The following HDAC1 variants were observed in gnomAD, a reference collection of about 807,000 sequenced individuals.
HDAC1 encodes histone deacetylase 1.
Under a neutral mutation model 65.5 loss-of-function variants are expected in HDAC1, and 18 were observed. The ratio of observed to expected loss-of-function variants is 0.27; its 90% CI spans 0.19 to 0.41. HDAC1 has a LOEUF of 0.41. HDAC1 is among the 10% of genes least tolerant of loss of function. The probability of loss-of-function intolerance (pLI) is 1.00; values close to 1 mark genes in which losing one functional copy is unlikely to be tolerated. For synonymous variants in HDAC1, 211 were observed against 227.9 expected (o/e 0.93, Z 0.67); for missense variants, 373 against 625.2 (o/e 0.60, Z 4.30).
intron 2 of HDAC1, among the ~76,000 whole-genome samples, chr1:32,310,916 GAAGGAAGGAAGA>G (rs534163393): frequency 2.2e-3 from 333 of 148,002 alleles, no homozygotes; most frequent in Admixed American, 6.9e-3. Context: ...GAAAGACAAA[GAAGGAAGGAAGA>G]AAGGAAGGAA....
intron 2 of HDAC1, 95 bp downstream of exon 2, chr1:32,302,828 C>T (rs1174824340): frequency 1.4e-6 from 1 of 716,350 alleles, no homozygotes; most frequent in Non-Finnish European, 2.6e-6. Flanking sequence ...CTCATTCACT[C>T]ATTCATCAAA....
intron 2 of HDAC1, among the ~76,000 whole-genome samples, chr1:32,314,003 C>T (rs894142735): frequency 6.6e-6 from 1 of 152,136 alleles, no homozygotes; most frequent in Non-Finnish European, 1.5e-5. Flanking sequence ...CATACAGATG[C>T]ACAACAATAA....
Position 32,333,049 on chromosome 1 carries a change from A to T in HDAC1, c.*5A>T. The stretch of plus-strand genomic sequence containing the variant: ...GAGGAGGTCAAGTTGGCCTGAATGG[A>T]CCTCTCCAGCTCTGGCTTCCTGCTG... On this transcript the variant is annotated 3_prime_UTR_variant, in exon 14 of 14. Transcript: ENST00000373548. The T allele has an allele frequency of 1.9e-6, 3 of 1,612,716 alleles. No individual in the cohort carries two copies. The highest frequency in any genetic ancestry group is 2.5e-6 in the Non-Finnish European group (3 of 1,179,244).
chr1:32,318,749 A>G (rs1202262339), intron 3 of HDAC1, among the ~76,000 whole-genome samples: 4 of 152,198 alleles, frequency 2.6e-5, no homozygotes, highest in Non-Finnish European at 2.9e-5. Context: ...ACAAAATGCT[A>G]TGCCCTGAGG....
chr1:32,322,351 A>C (rs895672360), intron 3 of HDAC1, among the ~76,000 whole-genome samples: 2 of 150,512 alleles, frequency 1.3e-5, no homozygotes, highest in Admixed American at 1.3e-4. Context: ...ATCTTGGCTC[A>C]CTGCAACCTC....
intron 2 of HDAC1, among the ~76,000 whole-genome samples, chr1:32,309,199 C>T (rs1640953044): frequency 6.6e-6 from 1 of 152,146 alleles, no homozygotes; most frequent in African/African-American, 2.4e-5. Context: ...AAAGGTAGAA[C>T]CTGCTCCTGG....
intron 1 of HDAC1, among the ~76,000 whole-genome samples, chr1:32,292,631 C>A (rs1640713059): frequency 1.3e-5 from 2 of 152,034 alleles, no homozygotes; most frequent in Non-Finnish European, 2.9e-5. Flanking sequence ...GAGTCCTGCA[C>A]GACTGGTTGC....
chr1:32,327,485 A>G lies in HDAC1; in HGVS notation c.495-51A>G. 3 of 1,414,220 alleles carry G rather than the reference A, an allele frequency of 2.1e-6. No homozygotes were observed. Among genetic ancestry groups the G allele is most frequent in the Non-Finnish European group, 3.0e-6 (3 of 1,002,400 alleles). The allele number at this position is 1,414,220 out of a possible 1,614,324, so 87.6% of individuals were successfully genotyped here. A position where few individuals can be genotyped will look rare whatever the true frequency, so the allele number is the denominator to read the frequency against. On this transcript the variant is annotated intron_variant, in intron 5 of 13. Coordinates refer to ENST00000373548, the MANE Select transcript of HDAC1 (RefSeq NM_004964.3). The surrounding 1 kb of genome is among the most constrained non-coding windows in gnomAD (Gnocchi z 6.0). ...TAAGCTGGGAGCTAGCGCCCTTGGCACGTCCCATCCCCAAAGAGCCCCCAG... is the reference window on the plus strand; with the variant it reads ...TAAGCTGGGAGCTAGCGCCCTTGGCGCGTCCCATCCCCAAAGAGCCCCCAG...
intron 3 of HDAC1, among the ~76,000 whole-genome samples, chr1:32,323,288 C>A (rs746843967): frequency 1.3e-5 from 2 of 151,490 alleles, no homozygotes; most frequent in Non-Finnish European, 2.9e-5. Context: ...GCAACAAGAG[C>A]AAAACTCCGT....
chr1:32,304,277 A>T (rs980225097), intron 2 of HDAC1, among the ~76,000 whole-genome samples: 1 of 152,210 alleles, frequency 6.6e-6, no homozygotes, highest in Admixed American at 6.5e-5. Flanking sequence ...CAGTGGAGGC[A>T]ACTGGGGAAG....
At chr1:32,320,226 A>G (rs1641121631) in intron 3 of HDAC1, among the ~76,000 whole-genome samples, 1 of 143,956 alleles carries the variant, frequency 6.9e-6, no homozygotes, top group Non-Finnish European at 1.5e-5. Flanking sequence ...TCTCAAAAAG[A>G]AAAAAAAAAA....
intron 3 of HDAC1, among the ~76,000 whole-genome samples, chr1:32,317,612 C>T (rs556821518): frequency 1.3e-5 from 2 of 152,234 alleles, no homozygotes; most frequent in Non-Finnish European, 2.9e-5. Flanking sequence ...ACTATTATTA[C>T]AACTAATAAT....
intron 2 of HDAC1, among the ~76,000 whole-genome samples, chr1:32,307,272 C>T (rs1371615074): frequency 1.3e-5 from 2 of 152,132 alleles, no homozygotes; most frequent in Admixed American, 6.6e-5. Context: ...AAGATTCATT[C>T]CTACTGTAGA....
In HDAC1 at chr1:32,321,730, AT is replaced by A. The variant is rs533376493; in HGVS notation, c.281-2738del. Reference sequence around the variant, plus strand: ...GTTGGTTTGGTGCCTGAAGAAAAATATTTTTTTTTTTCTCACGTCCAAAACA... The same window carrying A: ...GTTGGTTTGGTGCCTGAAGAAAAATATTTTTTTTTTCTCACGTCCAAAACA... On this transcript the variant is annotated intron_variant, in intron 3 of 13. Coordinates refer to ENST00000373548, the MANE Select transcript of HDAC1 (RefSeq NM_004964.3). Among the ~76,000 whole-genome samples the A allele has an allele frequency of 7.3e-3, 1,087 of 148,592 alleles. 6 individuals carry two copies. The highest frequency in any genetic ancestry group is 0.012 in the Non-Finnish European group (809 of 66,904).
At chr1:32,318,376 C>T (rs1292148953) in intron 3 of HDAC1, among the ~76,000 whole-genome samples, 1 of 152,112 alleles carries the variant, frequency 6.6e-6, no homozygotes, top group Non-Finnish European at 1.5e-5. Flanking sequence ...GCCTGGGCAA[C>T]ATAGTGAGAC....
At chr1:32,326,867 G>A (rs199519093) in intron 4 of HDAC1, 72 bp from the exon 5 acceptor site, 493 of 1,565,954 alleles carry the variant, frequency 3.1e-4, no homozygotes, top group Middle Eastern at 1.1e-3. Flanking sequence ...CTTTCACTAG[G>A]TTCCCTGGGC....
chr1:32,330,445 C>G lies in HDAC1; in HGVS notation c.730-133C>G. On this transcript the variant is annotated intron_variant, in intron 7 of 13. Transcript: ENST00000373548. The surrounding 1 kb of genome is among the most constrained non-coding windows in gnomAD (Gnocchi z 4.2). ...AGCAAGGGCTCCAGCCTAGCACTCC[C>G]TTTTCTCTCCCACATAGCATGAGGG... is the stretch of plus-strand genomic sequence containing the variant. The G allele has an allele frequency of 1.4e-6, 1 of 713,182 alleles. No individual in the cohort carries two copies. Among genetic ancestry groups the G allele is most frequent in the East Asian group, 2.5e-5 (1 of 40,420 alleles). 44.2% of individuals were successfully genotyped at this position (713,182 alleles called of 1,614,324 possible). A position where few individuals can be genotyped will look rare whatever the true frequency, so the allele number is the denominator to read the frequency against.
intron 4 of HDAC1, 71 bp downstream of exon 4, chr1:32,324,624 A>T (rs1473362722): frequency 9.0e-6 from 9 of 1,002,214 alleles, no homozygotes; most frequent in Non-Finnish European, 1.3e-5. Context: ...TTAGGCTGCT[A>T]TCCTAGTTGG....
intron 1 of HDAC1, among the ~76,000 whole-genome samples, chr1:32,302,050 T>G (rs1045155947): frequency 2.0e-5 from 3 of 152,186 alleles, no homozygotes; most frequent in African/African-American, 7.2e-5. Flanking sequence ...TGGCAGGTAG[T>G]GTGAATTGAA....
Sources: allele counts gnomAD v4.1 joint callset (sites outside exome capture counted in the v4.1 genomes callset), GRCh38; gene constraint gnomAD v4.1.1; non-coding constraint Gnocchi (gnomAD v3.1); transcripts MANE v1.5; gene names NCBI Gene and HGNC (gene_info 2026-07-23, HGNC 2026-07-21).